FOXP2: variants seen among roughly 807,000 people sequenced by gnomAD.
FOXP2 encodes forkhead box protein P2.
In FOXP2, 12 loss-of-function variants were observed where a neutral mutation model predicts 115.8. The ratio of observed to expected loss-of-function variants is 0.10; its 90% CI spans 0.07 to 0.17. FOXP2 has a LOEUF of 0.17. FOXP2 is among the 10% of genes least tolerant of loss of function. The probability of loss-of-function intolerance (pLI) is 1.00; values close to 1 mark genes in which losing one functional copy is unlikely to be tolerated. For synonymous variants in FOXP2, 328 were observed against 297.7 expected, an observed-to-expected ratio of 1.10 and a Z score of -1.05; for missense variants, 629 against 843.5, an observed-to-expected ratio of 0.75 and a Z score of 3.15.
intron 2 of FOXP2, among the ~76,000 whole-genome samples, chr7:114,377,491 T>C (rs1036769462): frequency 1.3e-5 from 2 of 152,202 alleles, no homozygotes; most frequent in African/African-American, 4.8e-5. Flanking sequence ...AGGACCATGT[T>C]CATAACATGA....
chr7:114,615,241 A>G (rs13227379), intron 3 of FOXP2, among the ~76,000 whole-genome samples: 1 of 152,156 alleles, frequency 6.6e-6, no homozygotes, highest in African/African-American at 2.4e-5. Context: ...TAATAATAAT[A>G]CAATTTCTTC....
intron 1 of FOXP2, among the ~76,000 whole-genome samples, chr7:114,213,498 T>C (rs1217855332): frequency 1.3e-5 from 2 of 152,218 alleles, no homozygotes; most frequent in Admixed American, 6.5e-5. Flanking sequence ...TTGATTCTTA[T>C]TTGACCTACA....
chr7:114,346,686 A>G (rs1791356619), intron 2 of FOXP2, among the ~76,000 whole-genome samples: 1 of 151,920 alleles, frequency 6.6e-6, no homozygotes, highest in African/African-American at 2.4e-5. Flanking sequence ...CAGAAAAACA[A>G]ATACCACATG....
rs1265692293 is a variant in FOXP2, at chr7:114,415,074, T to C, written c.-297T>C. 2.2e-6 allele frequency: 1 copy of C among 454,232 alleles called. No homozygotes were observed. Among genetic ancestry groups the C allele is most frequent in the Admixed American group, 2.4e-5 (1 of 42,538 alleles). The allele number at this position is 454,232 out of a possible 1,614,324, so 28.1% of individuals were successfully genotyped here. A position where few individuals can be genotyped will look rare whatever the true frequency, so the allele number is the denominator to read the frequency against. ...TAAATGCTGATTTTGTGTACGATTGTCCACGGACGCCAAAACAATCACAGA... is the reference window on the plus strand; with the variant it reads ...TAAATGCTGATTTTGTGTACGATTGCCCACGGACGCCAAAACAATCACAGA... On this transcript the variant is annotated 5_prime_UTR_variant, in exon 1 of 17. Coordinates refer to ENST00000350908, the MANE Select transcript of FOXP2 (RefSeq NM_014491.4).
intron 3 of FOXP2, among the ~76,000 whole-genome samples, chr7:114,597,503 A>C (rs1262382301): frequency 6.6e-6 from 1 of 152,112 alleles, no homozygotes; most frequent in Non-Finnish European, 1.5e-5. Context: ...AATCTTATGC[A>C]AAAGGATATG....
chr7:114,412,154 G>A (rs187837032), upstream of FOXP2, among the ~76,000 whole-genome samples: 605 of 152,182 alleles, frequency 4.0e-3, 3 homozygotes, highest in South Asian at 0.018. Flanking sequence ...AAACACCACA[G>A]TCTGGTTAGC....
Position 114,526,172 on chromosome 7 carries a change from T to TAAAAAA in FOXP2, c.169-8427_169-8422dup, listed in dbSNP as rs3028251. Among the ~76,000 whole-genome samples, 224 of 79,722 alleles carry TAAAAAA rather than the reference T, an allele frequency of 2.8e-3. 7 individuals are homozygous for TAAAAAA. The highest frequency in any genetic ancestry group is 8.4e-3 in the African/African-American group (158 of 18,902). 52.3% of individuals were successfully genotyped at this position (79,722 alleles called of 152,430 possible). Reference sequence around the variant, plus strand: ...TAAGCTCATTATTATGTTTCTTTATTAAAAAAAAAAAAAAAAAAAAAAAGG... The same window carrying TAAAAAA: ...TAAGCTCATTATTATGTTTCTTTATTAAAAAAAAAAAAAAAAAAAAAAAAAAAAAGG... On this transcript the variant is annotated intron_variant, in intron 2 of 16. Coordinates refer to ENST00000350908, the MANE Select transcript of FOXP2 (RefSeq NM_014491.4).
At chr7:114,263,478 G>T (rs907002159) in intron 1 of FOXP2, among the ~76,000 whole-genome samples, 1 of 146,592 alleles carries the variant, frequency 6.8e-6, no homozygotes, top group Non-Finnish European at 1.5e-5. Flanking sequence ...TATTGAGACC[G>T]GGTGTTGCTG....
intron 2 of FOXP2, among the ~76,000 whole-genome samples, chr7:114,388,491 A>T (rs1792510766): frequency 6.6e-6 from 1 of 152,062 alleles, no homozygotes; most frequent in African/African-American, 2.4e-5. Flanking sequence ...GGAGGTTAAA[A>T]CTGAATGATC....
intron 16 of FOXP2, among the ~76,000 whole-genome samples, chr7:114,671,894 T>G (rs1319907080): frequency 4.6e-5 from 7 of 152,218 alleles, no homozygotes; most frequent in African/African-American, 1.7e-4. Context: ...TATGTGCATT[T>G]TGACTGCTCT....
Position 114,273,753 on chromosome 7 carries a change from C to G in FOXP2, c.-101-14266C>G, listed in dbSNP as rs553467098. Among the ~76,000 whole-genome samples, 184 of 152,088 alleles carry G rather than the reference C, an allele frequency of 1.2e-3. 2 individuals are homozygous for G. The highest frequency in any genetic ancestry group is 4.4e-3 in the African/African-American group (182 of 41,540). On this transcript the variant is annotated intron_variant, in intron 1 of 17. Coordinates refer to the FOXP2 transcript ENST00000634411. ...GCTATGTCTGAAATTAATATAGATA[C>G]TCCCATTTACTTTTGATGAGTGTTA...
chr7:114,406,949 A>G (rs1402091293), intron 2 of FOXP2, among the ~76,000 whole-genome samples: 2 of 152,002 alleles, frequency 1.3e-5, no homozygotes, highest in Non-Finnish European at 1.5e-5. Flanking sequence ...ATTATTTTTG[A>G]GAAGTTTATG....
intron 2 of FOXP2, among the ~76,000 whole-genome samples, chr7:114,396,102 C>T (rs1334851265): frequency 1.3e-5 from 2 of 151,678 alleles, no homozygotes; most frequent in African/African-American, 4.8e-5. Context: ...AATAGTAGGC[C>T]TTATTTATTA....
intron 2 of FOXP2, among the ~76,000 whole-genome samples, chr7:114,523,415 C>T (rs1487759398): frequency 6.6e-6 from 1 of 152,154 alleles, no homozygotes; most frequent in Non-Finnish European, 1.5e-5. Flanking sequence ...CCATCCCTTT[C>T]CTCCCCTGGT....
Position 114,370,063 on chromosome 7 carries a change from C to T in FOXP2, c.-10-56439C>T, listed in dbSNP as rs1584672011. 2.0e-5 allele frequency among the ~76,000 whole-genome samples: 3 copies of T among 152,276 alleles called. No individual in the cohort carries two copies. The East Asian group carries it at 5.8e-4, about 29-fold the overall frequency. On this transcript the variant is annotated intron_variant, in intron 2 of 17. Coordinates refer to the FOXP2 transcript ENST00000634411. Reference sequence around the variant, plus strand: ...TTAATGATATTGAGTAATGCTTGTTCAAAATTTAAAGTATTGGGAAAAAAA... The same window carrying T: ...TTAATGATATTGAGTAATGCTTGTTTAAAATTTAAAGTATTGGGAAAAAAA...
At chr7:114,656,155 G>T (rs181297854) in intron 10 of FOXP2, among the ~76,000 whole-genome samples, 2 of 152,204 alleles carry the variant, frequency 1.3e-5, no homozygotes, top group South Asian at 4.1e-4. Context: ...CTCCTGTTTT[G>T]ATAACTTTTA....
chr7:114,366,854 T>C (rs1791894093), intron 2 of FOXP2, among the ~76,000 whole-genome samples: 1 of 152,158 alleles, frequency 6.6e-6, no homozygotes, highest in African/African-American at 2.4e-5. Context: ...ACTTTTTTTT[T>C]CTAAAATTAT....
chr7:114,099,272 G>C (rs1031289969), intron 1 of FOXP2, among the ~76,000 whole-genome samples: 1 of 152,070 alleles, frequency 6.6e-6, no homozygotes, highest in Non-Finnish European at 1.5e-5. Flanking sequence ...ATATGAAAAG[G>C]TGCCCAACAT....
intron 1 of FOXP2, among the ~76,000 whole-genome samples, chr7:114,141,662 C>T (rs951978156): frequency 2.6e-5 from 4 of 152,128 alleles, no homozygotes; most frequent in African/African-American, 9.7e-5. Flanking sequence ...CCAAGTTGCT[C>T]TCCAAATACC....
Sources: allele counts gnomAD v4.1 joint callset (sites outside exome capture counted in the v4.1 genomes callset), GRCh38; gene constraint gnomAD v4.1.1; transcripts MANE v1.5; gene names NCBI Gene and HGNC (gene_info 2026-07-23, HGNC 2026-07-21).